Variants in KLF7 observed in about 807,000 individuals in gnomAD.
KLF7 encodes the protein Krueppel-like factor 7.
A neutral mutation model predicts 27.3 loss-of-function variants in KLF7; 2 were observed. The ratio of observed to expected loss-of-function variants is 0.07; its 90% CI spans 0.03 to 0.23. The LOEUF (loss-of-function observed/expected upper bound fraction) is 0.23. Among genes scored for constraint, KLF7 ranks in the 10% least tolerant of loss-of-function variants. The probability of loss-of-function intolerance (pLI) is 1.00; values close to 1 mark genes in which losing one functional copy is unlikely to be tolerated. For synonymous variants in KLF7, 165 were observed against 162.4 expected (o/e 1.02, Z -0.12); for missense variants, 221 against 394.1 (o/e 0.56, Z 3.72).
intron 1 of KLF7, among the ~76,000 whole-genome samples, chr2:207,125,274 C>T (rs1379548222): frequency 3.3e-5 from 5 of 152,190 alleles, no homozygotes; most frequent in African/African-American, 1.2e-4. Context: ...CCATGGCACT[C>T]ATAAGTTTTT....
chr2:207,088,890 T>C (rs1363558340), intron 2 of KLF7, among the ~76,000 whole-genome samples: 2 of 152,210 alleles, frequency 1.3e-5, no homozygotes, highest in Admixed American at 1.3e-4. Context: ...AATTTTTATT[T>C]ATTTTCGATT....
chr2:207,106,708 CAGA>C (rs947476504), intron 2 of KLF7, among the ~76,000 whole-genome samples: 10 of 152,078 alleles, frequency 6.6e-5, no homozygotes, highest in Middle Eastern at 3.2e-3. Flanking sequence ...GAAGAGCTCC[CAGA>C]AGAAGTGCCT....
intron 1 of KLF7, among the ~76,000 whole-genome samples, chr2:207,130,149 AC>A (rs1244168261): frequency 6.6e-6 from 1 of 152,012 alleles, no homozygotes; most frequent in Admixed American, 6.6e-5. Flanking sequence ...TCTTTCCTTC[AC>A]CTATTTTTCT....
chr2:207,124,227 C>T lies in KLF7; in HGVS notation c.280G>A (p.Ala94Thr). 1.2e-6 allele frequency: 2 copies of T among 1,614,106 alleles called. No homozygotes were observed. The highest frequency in any genetic ancestry group is 1.7e-6 in the Non-Finnish European group (2 of 1,180,034). Residue 94 changes from alanine (A) to threonine (T), a missense_variant, in exon 2 of 4, where the codon GCA becomes ACA. Around this residue, in one of 3 missense-constraint regions of KLF7, gnomAD observed 180 missense variants for 227.9 expected, o/e 0.79. Transcript: ENST00000309446. ...VEAAICEKSSAVDILLSRDKL... is the reference protein window; with the variant it reads ...VEAAICEKSSTVDILLSRDKL... ...TCCCGAGAGAGCAAGATGTCCACTG[C>T]CGAGCTCTTCTCACAGATGGCCGCT... is the stretch of plus-strand genomic sequence containing the variant.
intron 1 of KLF7, among the ~76,000 whole-genome samples, chr2:207,151,235 G>A (rs186998677): frequency 1.3e-4 from 20 of 152,266 alleles, no homozygotes; most frequent in Admixed American, 9.8e-4. Context: ...CCCACCCTTC[G>A]AGAAGCAGTT....
chr2:207,161,979 T>C (rs1275957095), intron 1 of KLF7, among the ~76,000 whole-genome samples: 2 of 152,024 alleles, frequency 1.3e-5, no homozygotes, highest in Non-Finnish European at 2.9e-5. Flanking sequence ...CAAGCAAACA[T>C]GCGATGCTCC....
chr2:207,121,939 A>C (rs2077351614), intron 2 of KLF7: 1 of 152,170 alleles, frequency 6.6e-6, no homozygotes, highest in Non-Finnish European at 1.5e-5. Context: ...TAATTCAGAA[A>C]GTGTCCATAA....
intron 2 of KLF7, among the ~76,000 whole-genome samples, chr2:207,105,746 A>G (rs916869649): frequency 6.6e-6 from 1 of 152,184 alleles, no homozygotes; most frequent in African/African-American, 2.4e-5. Flanking sequence ...CTGATCAAAG[A>G]GGAGTATCAG....
rs996307464 is a variant in KLF7 at position 207,124,313 on chromosome 2, G to A, written c.194C>T (p.Ser65Phe). The part of the protein sequence containing the change: ...GEDLDCFLHA[S>F]PPPCIEESFR... The stretch of plus-strand genomic sequence containing the variant: ...GCTTTCCTCAATGCACGGGGGAGGG[G>A]AAGCGTGGAGGAAACAGTCCAAGTC... The change falls in exon 2 of 4, where the codon TCC becomes TTC. Residue 65 changes from serine to phenylalanine, a missense_variant. Physicochemically the swap from Ser to Phe is radical, Grantham distance 155. This residue lies in a region of KLF7 where 180 missense variants were observed against 227.9 expected (regional missense o/e 0.79). Transcript: ENST00000309446. 1 of 1,612,964 alleles carries A rather than the reference G, an allele frequency of 6.2e-7. No individual in the cohort carries two copies. Among genetic ancestry groups the A allele is most frequent in the Non-Finnish European group, 8.5e-7 (1 of 1,179,170 alleles).
chr2:207,103,594 A>G (rs932935763), intron 2 of KLF7, among the ~76,000 whole-genome samples: 1 of 152,222 alleles, frequency 6.6e-6, no homozygotes, highest in African/African-American at 2.4e-5. Flanking sequence ...AGAGTTCTGG[A>G]GATGTTGCCC....
chr2:207,123,641 TG>T, intron 2 of KLF7, 132 bp downstream of exon 2: 1 of 931,904 alleles, frequency 1.1e-6, no homozygotes, highest in Non-Finnish European at 1.6e-6. Flanking sequence ...TGTCCCTACC[TG>T]GGGCCTCCCG....
At chr2:207,101,911 C>A (rs2105910487) in intron 2 of KLF7, among the ~76,000 whole-genome samples, 1 of 152,254 alleles carries the variant, frequency 6.6e-6, no homozygotes, top group Admixed American at 6.5e-5. Flanking sequence ...GCTTATTCAC[C>A]TTAGTATTCC....
At chr2:207,127,090 C>G (rs2077499291) in intron 1 of KLF7, among the ~76,000 whole-genome samples, 1 of 152,152 alleles carries the variant, frequency 6.6e-6, no homozygotes, top group African/African-American at 2.4e-5. Context: ...GATTAAGTAA[C>G]TTATGCAGTA....
At chr2:207,100,131 T>G (rs772238288) in intron 2 of KLF7, among the ~76,000 whole-genome samples, 1 of 110,172 alleles carries the variant, frequency 9.1e-6, no homozygotes, top group African/African-American at 3.9e-5. Flanking sequence ...AGCGAGACCA[T>G]GTCTCAAAAA....
At chr2:207,098,865 C>T (rs1003595501) in intron 2 of KLF7, among the ~76,000 whole-genome samples, 3 of 150,422 alleles carry the variant, frequency 2.0e-5, no homozygotes, top group Admixed American at 6.6e-5. Context: ...AGTGATCCCC[C>T]GACCTCAGCC....
At position 207,165,530 on chromosome 2, in the gene KLF7, T is replaced by C. The variant is rs756004263; in HGVS notation, c.39A>G (p.Leu13=). The C allele has an allele frequency of 2.5e-6, 4 of 1,614,068 alleles. No individual in the cohort carries two copies. The East Asian group carries it at 8.9e-5, about 36-fold the overall frequency. Residue 13 remains leucine (L), a synonymous_variant, in exon 1 of 4, where the codon CTA becomes CTG. Coordinates refer to ENST00000309446, the MANE Select transcript of KLF7 (RefSeq NM_003709.4). ...VLASYSIFQE[L]QLVHDTGYFS... The stretch of plus-strand genomic sequence containing the variant: ...AGTAGCCGGTGTCGTGGACAAGTTG[T>C]AGCTCCTGGAATATACTATAACTAG...
At chr2:207,167,877 A>C (rs556018269), upstream of KLF7, among the ~76,000 whole-genome samples, 187 of 152,324 alleles carry the variant, frequency 1.2e-3, no homozygotes, top group African/African-American at 4.2e-3. Flanking sequence ...CTATTAGGTG[A>C]ATACTAAATA....
At chr2:207,126,269 T>C (rs1415519607) in intron 1 of KLF7, among the ~76,000 whole-genome samples, 1 of 152,202 alleles carries the variant, frequency 6.6e-6, no homozygotes, top group African/African-American at 2.4e-5. Context: ...CTCCATTCAA[T>C]TGATTTCTGA....
intron 2 of KLF7, among the ~76,000 whole-genome samples, chr2:207,089,737 G>A (rs981226634): frequency 4.6e-5 from 7 of 151,922 alleles, no homozygotes; most frequent in Non-Finnish European, 1.0e-4. Flanking sequence ...AATAATAATA[G>A]GTACCTCAAA....
Sources: allele counts gnomAD v4.1 joint callset (sites outside exome capture counted in the v4.1 genomes callset), GRCh38; gene constraint gnomAD v4.1.1; regional missense constraint gnomAD v4.1.1; transcripts MANE v1.5; gene names NCBI Gene and HGNC (gene_info 2026-07-23, HGNC 2026-07-21).